Variants in SNRPN observed in about 807,000 individuals in gnomAD.
The protein encoded by SNRPN is small nuclear ribonucleoprotein polypeptide N.
In SNRPN, 7 loss-of-function variants were observed where a neutral mutation model predicts 25.2. That is an observed-to-expected ratio of 0.28 (90% confidence interval 0.16 to 0.52). The LOEUF (loss-of-function observed/expected upper bound fraction) is 0.52, where lower values mean the gene tolerates loss of function less well. Ranked by LOEUF, SNRPN falls within the 20% of genes least tolerant of loss-of-function variation. The pLI is 0.96. For synonymous variants in SNRPN, 124 were observed against 110.6 expected (o/e 1.12, Z -0.76); for missense variants, 196 against 322.5 (o/e 0.61, Z 3.00).
At position 24,971,365 on chromosome 15, in the gene SNRPN, C is replaced by A. The variant is rs971497792; in HGVS notation, c.-143-2946C>A. 2.0e-5 allele frequency among the ~76,000 whole-genome samples: 3 copies of A among 152,066 alleles called. No homozygotes were observed. In the East Asian group the frequency reaches 5.8e-4, roughly 29 times the overall value. On this transcript the variant is annotated intron_variant, in intron 3 of 9. Transcript: ENST00000390687. ...CCACTCTGCAGTGATTTATTTTCTTCTTTCACTTACAAGGTCATGACTACA... is the reference window on the plus strand; with the variant it reads ...CCACTCTGCAGTGATTTATTTTCTTATTTCACTTACAAGGTCATGACTACA...
At chr15:24,878,486 C>A (rs1439117487) in intron 1 of SNRPN, among the ~76,000 whole-genome samples, 4 of 152,232 alleles carry the variant, frequency 2.6e-5, no homozygotes, top group Non-Finnish European at 5.9e-5. Flanking sequence ...TTCCGTGCGC[C>A]CCGAGGGTCT....
At chr15:24,956,527 A>C (rs1366016139) in intron 1 of SNRPN, among the ~76,000 whole-genome samples, 1 of 152,160 alleles carries the variant, frequency 6.6e-6, no homozygotes, top group Non-Finnish European at 1.5e-5. Context: ...CTGCTTGGGA[A>C]AGGATGCAGG....
intron 2 of SNRPN, among the ~76,000 whole-genome samples, chr15:24,911,768 G>T (rs2152191409): frequency 6.6e-6 from 1 of 152,324 alleles, no homozygotes; most frequent in East Asian, 1.9e-4. Context: ...GTTCCCACTA[G>T]GGCAATGTCC....
At chr15:24,954,115 T>G (rs1478299247), upstream of SNRPN, among the ~76,000 whole-genome samples, 2 of 152,264 alleles carry the variant, frequency 1.3e-5, no homozygotes, top group Non-Finnish European at 2.9e-5. Flanking sequence ...TTTCCCAAGC[T>G]ACATCAGCGT....
chr15:24,918,833 TAA>T (rs1491462577), intron 2 of SNRPN, among the ~76,000 whole-genome samples: 2 of 121,208 alleles, frequency 1.7e-5, no homozygotes, highest in Non-Finnish European at 3.3e-5. Flanking sequence ...CGCATATATA[TAA>T]TATATATATG....
At chr15:24,919,843 A>G (rs1200439965) in intron 2 of SNRPN, among the ~76,000 whole-genome samples, 1 of 152,162 alleles carries the variant, frequency 6.6e-6, no homozygotes, top group Non-Finnish European at 1.5e-5. Context: ...CAAGCAAAGA[A>G]TCTTTGTCAG....
At chr15:24,970,726 C>G (rs192070795) in intron 3 of SNRPN, among the ~76,000 whole-genome samples, 2 of 152,052 alleles carry the variant, frequency 1.3e-5, no homozygotes, top group Non-Finnish European at 2.9e-5. Context: ...ACATTGTTTT[C>G]TAAACACATC....
At chr15:24,883,961 G>A (rs965136889) in intron 1 of SNRPN, among the ~76,000 whole-genome samples, 7 of 144,604 alleles carry the variant, frequency 4.8e-5, no homozygotes, top group East Asian at 4.2e-4. Flanking sequence ...AGCTGAGATC[G>A]TGTCACTGCA....
At chr15:24,941,876 T>C (rs528384746) in intron 3 of SNRPN, among the ~76,000 whole-genome samples, 1 of 151,986 alleles carries the variant, frequency 6.6e-6, no homozygotes, top group South Asian at 2.1e-4. Context: ...CTGCCCGGGG[T>C]TCAAACAATT....
chr15:24,944,626 A>G (rs2061765962), intron 3 of SNRPN, among the ~76,000 whole-genome samples: 2 of 152,210 alleles, frequency 1.3e-5, no homozygotes, highest in Admixed American at 6.5e-5. Flanking sequence ...AATTTCAGAA[A>G]CCAACCCCAG....
At chr15:24,905,028 G>T (rs546345564) in intron 2 of SNRPN, among the ~76,000 whole-genome samples, 3 of 149,616 alleles carry the variant, frequency 2.0e-5, no homozygotes, top group Non-Finnish European at 4.4e-5. Context: ...CAGGAGAATC[G>T]CTTGAACCCA....
intron 1 of SNRPN, among the ~76,000 whole-genome samples, chr15:24,867,800 T>G (rs1373357588): frequency 1.3e-5 from 2 of 152,168 alleles, no homozygotes; most frequent in Admixed American, 6.5e-5. Context: ...AATAGCAGAT[T>G]GCTATCTACC....
intron 3 of SNRPN, chr15:24,921,010 C>T (rs905942689): frequency 6.6e-5 from 10 of 152,118 alleles, no homozygotes; most frequent in Admixed American, 5.2e-4. Context: ...TGATATTTTC[C>T]ATCCACTTCA....
intron 8 of SNRPN, 24 bp downstream of exon 8, chr15:24,977,940 A>T: frequency 6.5e-7 from 1 of 1,533,218 alleles, no homozygotes; most frequent in Non-Finnish European, 8.8e-7. Flanking sequence ...GAACACGAAG[A>T]CGAACTTGAA....
Position 24,882,300 on chromosome 15 carries a change from A to G in SNRPN, c.-578-4216A>G, listed in dbSNP as rs147273612. Among the ~76,000 whole-genome samples, 1,330 of 152,294 alleles carry G rather than the reference A, an allele frequency of 8.7e-3. 19 individuals are homozygous for G. Among genetic ancestry groups the G allele is most frequent in the Middle Eastern group, 0.027 (8 of 294 alleles). On this transcript the variant is annotated intron_variant, in intron 1 of 11. Transcript: ENST00000400097. ...TTAAAATTTATTTTTGAAGGTAAAC[A>G]TCTTACATAAAATTTGGCTAAAAGG...
At chr15:24,975,921 GTTCCCA>G (rs2077011313) in intron 5 of SNRPN, among the ~76,000 whole-genome samples, 1 of 152,054 alleles carries the variant, frequency 6.6e-6, no homozygotes, top group African/African-American at 2.4e-5. Context: ...GCCTATCACT[GTTCCCA>G]TTATTTCAGT....
chr15:24,973,432 T>C (rs2153664785), intron 3 of SNRPN, among the ~76,000 whole-genome samples: 1 of 150,912 alleles, frequency 6.6e-6, no homozygotes, highest in Non-Finnish European at 1.5e-5. Context: ...TTGTCCCTCC[T>C]TGTTGCCCAG....
At chr15:24,937,866 G>C (rs2061330247) in intron 3 of SNRPN, among the ~76,000 whole-genome samples, 1 of 152,118 alleles carries the variant, frequency 6.6e-6, no homozygotes, top group Non-Finnish European at 1.5e-5. Context: ...GAATCATACA[G>C]TATTTGTCCT....
At chr15:24,891,653 GTTTCCAACTCCTGA>G (rs2057688266) in intron 2 of SNRPN, among the ~76,000 whole-genome samples, 1 of 152,056 alleles carries the variant, frequency 6.6e-6, no homozygotes, top group Non-Finnish European at 1.5e-5. Context: ...GATCAGGCTG[GTTTCCAACTCCTGA>G]CCTCAGGTTA....
Sources: gnomAD v4.1 joint callset for allele counts (sites outside exome capture counted in the v4.1 genomes callset) on GRCh38, gnomAD v4.1.1 for gene constraint, MANE v1.5 for transcripts, NCBI Gene and HGNC (gene_info 2026-07-23, HGNC 2026-07-21) for gene names.